CDH23: variants seen among roughly 807,000 people sequenced by gnomAD.
CDH23 encodes the protein cadherin related 23.
A neutral mutation model predicts 317.1 loss-of-function variants in CDH23; 189 were observed. The observed-to-expected ratio is 0.60, with a 90% confidence interval of 0.53 to 0.67. The LOEUF is 0.67. Among genes scored for constraint, CDH23 ranks in the 30% least tolerant of loss-of-function variants. The pLI, the probability that CDH23 is intolerant of heterozygous loss-of-function variation, is 0.00. For synonymous variants in CDH23, 1,839 were observed against 1,876.8 expected (o/e 0.98, Z 0.52); for missense variants, 4,401 against 4,592.4 (o/e 0.96, Z 1.20).
intron 28 of CDH23, among the ~76,000 whole-genome samples, chr10:71,720,869 G>A (rs1352569811): frequency 6.6e-6 from 1 of 152,200 alleles, no homozygotes; most frequent in African/African-American, 2.4e-5. Flanking sequence ...AGTGAGTGGT[G>A]GGGGACTTGG....
At chr10:71,404,382 C>T (rs975973779) in intron 1 of CDH23, among the ~76,000 whole-genome samples, 3 of 152,220 alleles carry the variant, frequency 2.0e-5, no homozygotes, top group African/African-American at 7.2e-5. Flanking sequence ...CTGCAGCTTG[C>T]AGTTCTCCAC....
intron 1 of CDH23, among the ~76,000 whole-genome samples, chr10:71,422,249 G>A (rs1848852305): frequency 6.6e-6 from 1 of 152,204 alleles, no homozygotes; most frequent in Non-Finnish European, 1.5e-5. Flanking sequence ...GGTTCTGGTG[G>A]TCCTGGCTCC....
In CDH23 at chr10:71,751,106, G is replaced by A; in HGVS notation, c.4845+9185G>A. 1 of 954,078 alleles carries A rather than the reference G, an allele frequency of 1.0e-6. No individual in the cohort carries two copies. The highest frequency in any genetic ancestry group is 1.5e-6 in the Non-Finnish European group (1 of 645,832). 59.1% of individuals were successfully genotyped at this position (954,078 alleles called of 1,614,324 possible). ...TAGCATCCAGAGGGGTTGAGGGGCT[G>A]GGCTTCTGGGATGTCACAGTATCTG... On this transcript the variant is annotated intron_variant, in intron 38 of 69. Transcript: ENST00000224721. This position sits in a 1 kb window ranked among gnomAD's most constrained non-coding sequence, Gnocchi z 4.9.
chr10:71,739,529 C>G (rs1839676917), intron 35 of CDH23, 115 bp from the exon 36 acceptor site: 1 of 1,312,218 alleles, frequency 7.6e-7, no homozygotes, highest in African/African-American at 1.5e-5. Flanking sequence ...TCCCAAAAGC[C>G]CTTGCTCAAC....
intron 38 of CDH23, chr10:71,749,835 G>C (rs941814167): frequency 6.6e-6 from 1 of 151,508 alleles, no homozygotes; most frequent in South Asian, 2.1e-4. Flanking sequence ...GCAATTGGGC[G>C]AACATCTTCC....
Position 71,686,505 on chromosome 10 carries a change from G to T in CDH23, c.1987-1142G>T, listed in dbSNP as rs578199658. On this transcript the variant is annotated intron_variant, in intron 18 of 69. Coordinates refer to ENST00000224721, the MANE Select transcript of CDH23 (RefSeq NM_022124.6). Reference sequence around the variant, plus strand: ...GCTGAGATTCTCTGATGTCCCAAGGGGGGTGCAGCCAGAGAGCATGCCCCC... The same window carrying T: ...GCTGAGATTCTCTGATGTCCCAAGGTGGGTGCAGCCAGAGAGCATGCCCCC... Among the ~76,000 whole-genome samples the T allele has an allele frequency of 3.1e-4, 47 of 152,208 alleles. 1 individual carries two copies. The South Asian group carries it at 9.1e-3, about 30-fold the overall frequency.
chr10:71,609,978 G>A (rs1291968239), intron 9 of CDH23, among the ~76,000 whole-genome samples: 1 of 150,936 alleles, frequency 6.6e-6, no homozygotes, highest in South Asian at 2.1e-4. Flanking sequence ...GTGTGTGTGT[G>A]TGTGTGTGTG....
intron 38 of CDH23, among the ~76,000 whole-genome samples, chr10:71,759,129 CCGGGTTCAAG>C (rs1351162213): frequency 6.6e-6 from 1 of 152,000 alleles, no homozygotes; most frequent in South Asian, 2.1e-4. Flanking sequence ...CCTCTGACTC[CCGGGTTCAAG>C]CGATTCTCTT....
chr10:71,810,350 A>T, intron 61 of CDH23, 122 bp from the exon 62 acceptor site: 1 of 956,200 alleles, frequency 1.0e-6, no homozygotes, highest in African/African-American at 1.6e-5. Flanking sequence ...CAAACATTCA[A>T]ACATTCAGTA....
At chr10:71,783,304 CT>C (rs775161667) in intron 41 of CDH23, among the ~76,000 whole-genome samples, 25 of 152,338 alleles carry the variant, frequency 1.6e-4, no homozygotes, top group African/African-American at 3.4e-4. Context: ...TTCCTTCCCC[CT>C]GTCTCTTCTC....
intron 45 of CDH23, 106 bp from the exon 46 acceptor site, chr10:71,790,182 T>C: frequency 6.8e-7 from 1 of 1,462,846 alleles, no homozygotes; most frequent in Non-Finnish European, 9.2e-7. Flanking sequence ...CTCACCTCCC[T>C]CCCCTCTCAT....
intron 31 of CDH23, among the ~76,000 whole-genome samples, chr10:71,731,560 G>A (rs893839123): frequency 2.0e-5 from 3 of 152,174 alleles, no homozygotes; most frequent in Admixed American, 6.5e-5. Flanking sequence ...AGGTGTCCCT[G>A]ACACTGAAGC....
At chr10:71,492,974 C>T (rs1564614150) in intron 3 of CDH23, among the ~76,000 whole-genome samples, 1 of 152,074 alleles carries the variant, frequency 6.6e-6, no homozygotes, top group Admixed American at 6.5e-5. Flanking sequence ...ACAGAAGGGC[C>T]GAGAGTGGAA....
chr10:71,751,172 G>C lies in CDH23; in HGVS notation c.4845+9251G>C, dbSNP rs956478003. 3.4e-6 allele frequency: 5 copies of C among 1,491,472 alleles called. 1 individual carries two copies. In the African/African-American group the frequency reaches 7.0e-5, roughly 21 times the overall value. The allele number at this position is 1,491,472 out of a possible 1,614,324, so 92.4% of individuals were successfully genotyped here. ...GGAGGGAACCAGGGCCGAGGCCAAG[G>C]AGGCCACTCACAGAGCCAGCCCTGG... On this transcript the variant is annotated intron_variant, in intron 38 of 69. Transcript: ENST00000224721. The surrounding 1 kb of genome is among the most constrained non-coding windows in gnomAD (Gnocchi z 4.9).
intron 38 of CDH23, among the ~76,000 whole-genome samples, chr10:71,761,214 G>A (rs761380688): frequency 2.0e-5 from 3 of 152,082 alleles, no homozygotes; most frequent in Admixed American, 6.5e-5. Flanking sequence ...ACACACACAC[G>A]CATATATTCT....
chr10:71,447,624 G>A (rs1359716984), intron 3 of CDH23, among the ~76,000 whole-genome samples: 8 of 152,124 alleles, frequency 5.3e-5, no homozygotes, highest in Admixed American at 5.2e-4. Context: ...GGCTAGATTT[G>A]GGGGTAGGGT....
chr10:71,782,188 G>A (rs1840975403), intron 41 of CDH23, among the ~76,000 whole-genome samples: 1 of 152,168 alleles, frequency 6.6e-6, no homozygotes, highest in African/African-American at 2.4e-5. Context: ...TGGGAGACAG[G>A]CCACATGCAC....
intron 6 of CDH23, among the ~76,000 whole-genome samples, chr10:71,528,739 A>C (rs994768390): frequency 6.6e-6 from 1 of 151,860 alleles, no homozygotes; most frequent in African/African-American, 2.4e-5. Flanking sequence ...CCTGTTCCCC[A>C]CCCTGGGGGC....
rs1477393211 is a variant in CDH23 at position 71,434,224 on chromosome 10, A to G, written c.-5-5603A>G. Among the ~76,000 whole-genome samples, 8 of 151,474 alleles carry G rather than the reference A, an allele frequency of 5.3e-5. No individual in the cohort carries two copies. The South Asian group carries it at 8.4e-4, about 16-fold the overall frequency. ...ATGCTCATATGTCACCTCCCCAGTG[A>G]CCCTCAGCTGGTTCCTGCACTGCTC... is the stretch of plus-strand genomic sequence containing the variant. On this transcript the variant is annotated intron_variant, in intron 1 of 69. Transcript: ENST00000224721.
Sources: allele counts gnomAD v4.1 joint callset (sites outside exome capture counted in the v4.1 genomes callset), GRCh38; gene constraint gnomAD v4.1.1; non-coding constraint Gnocchi (gnomAD v3.1); transcripts MANE v1.5; gene names NCBI Gene and HGNC (gene_info 2026-07-23, HGNC 2026-07-21).